Variants in KCND2 observed in about 807,000 individuals in gnomAD.
KCND2 encodes potassium voltage-gated channel subfamily D member 2.
In KCND2, 16 loss-of-function variants were observed where a neutral mutation model predicts 54.4. The observed-to-expected ratio is 0.29, with a 90% CI of 0.20 to 0.45. The LOEUF (loss-of-function observed/expected upper bound fraction) is 0.45, where lower values mean the gene tolerates loss of function less well. Among genes scored for constraint, KCND2 ranks in the 20% least tolerant of loss-of-function variants. The probability of loss-of-function intolerance (pLI) is 1.00; values close to 1 mark genes in which losing one functional copy is unlikely to be tolerated. For missense variants in KCND2, 486 were observed against 824.2 expected, an observed-to-expected ratio of 0.59 and a Z score of 5.02; for synonymous variants, 317 against 310.7, an observed-to-expected ratio of 1.02 and a Z score of -0.21.
rs543373813 is a variant in KCND2, at chr7:120,677,872, A to C, written c.1116-55031A>C. On this transcript the variant is annotated intron_variant, in intron 1 of 5. Transcript: ENST00000331113. Reference sequence around the variant, plus strand: ...TAATGTAGGCTTATGTTTTAAAAGGAGATTCAAGCTTATTTCTAGGTCAGT... The same window carrying C: ...TAATGTAGGCTTATGTTTTAAAAGGCGATTCAAGCTTATTTCTAGGTCAGT... Among the ~76,000 whole-genome samples the C allele has an allele frequency of 5.3e-5, 8 of 152,216 alleles. No homozygotes were observed. The South Asian group carries it at 1.7e-3, about 32-fold the overall frequency.
chr7:120,715,260 G>T (rs539440550), intron 1 of KCND2, among the ~76,000 whole-genome samples: 4 of 149,364 alleles, frequency 2.7e-5, no homozygotes. Flanking sequence ...GATTAATTCC[G>T]AAAAAAAAAT....
chr7:120,469,343 T>A (rs1449159750), intron 1 of KCND2, among the ~76,000 whole-genome samples: 1 of 152,170 alleles, frequency 6.6e-6, no homozygotes, highest in Non-Finnish European at 1.5e-5. Flanking sequence ...AGTGGCATAT[T>A]TAAATTCTGC....
At chr7:120,634,483 C>T (rs1793279454) in intron 1 of KCND2, among the ~76,000 whole-genome samples, 1 of 152,078 alleles carries the variant, frequency 6.6e-6, no homozygotes, top group Non-Finnish European at 1.5e-5. Context: ...TACCGCCATA[C>T]ACTCGATACT....
At chr7:120,458,864 CATT>C (rs1051695650) in intron 1 of KCND2, among the ~76,000 whole-genome samples, 8 of 149,910 alleles carry the variant, frequency 5.3e-5, no homozygotes, top group Admixed American at 6.7e-5. Context: ...ATATTATTAG[CATT>C]ATTATTATTA....
At chr7:120,400,512 T>C (rs926499293) in intron 1 of KCND2, among the ~76,000 whole-genome samples, 1 of 152,172 alleles carries the variant, frequency 6.6e-6, no homozygotes, top group African/African-American at 2.4e-5. Context: ...AAACTGTCTT[T>C]ATACTCCCAT....
intron 1 of KCND2, among the ~76,000 whole-genome samples, chr7:120,313,871 G>A (rs959045948): frequency 6.6e-6 from 1 of 150,634 alleles, no homozygotes. Flanking sequence ...CCAGGAAGTT[G>A]AATAATAAGT....
intron 1 of KCND2, among the ~76,000 whole-genome samples, chr7:120,730,234 C>T (rs540958907): frequency 5.1e-4 from 78 of 151,758 alleles, no homozygotes; most frequent in African/African-American, 1.4e-3. Context: ...TGTGTGTGTG[C>T]GCGCGTGCGT....
intron 1 of KCND2, among the ~76,000 whole-genome samples, chr7:120,289,087 GA>G (rs1799395731): frequency 1.3e-5 from 2 of 150,082 alleles, no homozygotes; most frequent in African/African-American, 4.9e-5. Context: ...CAGAGAGAGA[GA>G]GAGAGACTAG....
chr7:120,343,019 T>C (rs1175241279), intron 1 of KCND2, among the ~76,000 whole-genome samples: 1 of 152,144 alleles, frequency 6.6e-6, no homozygotes, highest in Non-Finnish European at 1.5e-5. Context: ...AGCTCTGCCA[T>C]CCACTAGAAT....
chr7:120,734,551 T>G (rs1792847626), intron 2 of KCND2, among the ~76,000 whole-genome samples: 1 of 152,108 alleles, frequency 6.6e-6, no homozygotes, highest in Admixed American at 6.6e-5. Context: ...AAAGTGCCTC[T>G]CAGAAAAGCT....
At chr7:120,718,817 G>A (rs4730979) in intron 1 of KCND2, among the ~76,000 whole-genome samples, 57,355 of 152,048 alleles carry the variant, frequency 0.38, 11,774 homozygotes, top group African/African-American at 0.53. Flanking sequence ...ATAATTAACA[G>A]TTGTTTTCAG....
At position 120,677,520 on chromosome 7, in the gene KCND2, T is replaced by C. The variant is rs1792077929; in HGVS notation, c.1116-55383T>C. ...ACCATTGGTGGTAAGAATTCAAATA[T>C]ATATATATAGATATAGATATAGATA... is the stretch of plus-strand genomic sequence containing the variant. On this transcript the variant is annotated intron_variant, in intron 1 of 5. Transcript: ENST00000331113. Among the ~76,000 whole-genome samples, 4 of 140,980 alleles carry C rather than the reference T, an allele frequency of 2.8e-5. 1 individual carries two copies. In the South Asian group the frequency reaches 8.8e-4, roughly 31 times the overall value. 92.5% of individuals were successfully genotyped at this position (140,980 alleles called of 152,430 possible).
intron 1 of KCND2, among the ~76,000 whole-genome samples, chr7:120,284,317 A>C (rs939171935): frequency 1.3e-5 from 2 of 151,822 alleles, no homozygotes; most frequent in Non-Finnish European, 2.9e-5. Flanking sequence ...ACGCGCGCAC[A>C]CTCCAACCAT....
At chr7:120,394,651 C>G (rs572425686) in intron 1 of KCND2, among the ~76,000 whole-genome samples, 2 of 151,954 alleles carry the variant, frequency 1.3e-5, no homozygotes, top group Non-Finnish European at 2.9e-5. Context: ...ATCATTGTGT[C>G]TTCAGAGCTA....
chr7:120,274,706 G>A lies in KCND2; in HGVS notation c.74G>A (p.Gly25Glu). ...AAIGWMPVASGPMPAPPRQER... is the reference protein window; with the variant it reads ...AAIGWMPVASEPMPAPPRQER... ...ATCGGGTGGATGCCTGTGGCCTCGG[G>A]GCCTATGCCGGCTCCCCCGAGGCAG... Residue 25 changes from glycine (G) to glutamate (E), a missense_variant, in exon 1 of 6, where the codon GGG (glycine) becomes GAG (glutamate). Physicochemically the swap from Gly to Glu is moderately conservative, Grantham distance 98. This residue lies in a region of KCND2 where 231 missense variants were observed against 386.0 expected (regional missense o/e 0.60). Coordinates refer to ENST00000331113, the MANE Select transcript of KCND2 (RefSeq NM_012281.3). 6.2e-7 allele frequency: 1 copy of A among 1,613,804 alleles called. No individual in the cohort carries two copies. Among genetic ancestry groups the A allele is most frequent in the Non-Finnish European group, 8.5e-7 (1 of 1,179,966 alleles).
chr7:120,400,121 CGG>C (rs1801226878), intron 1 of KCND2, among the ~76,000 whole-genome samples: 1 of 152,090 alleles, frequency 6.6e-6, no homozygotes, highest in Non-Finnish European at 1.5e-5. Flanking sequence ...TAATGCCTTA[CGG>C]AACAGCAGCA....
chr7:120,366,114 T>C (rs374173709), intron 1 of KCND2, among the ~76,000 whole-genome samples: 2 of 152,024 alleles, frequency 1.3e-5, no homozygotes, highest in East Asian at 1.9e-4. Context: ...AGCTTTATCT[T>C]GATAGAAGAG....
At chr7:120,722,660 A>T (rs535128404) in intron 1 of KCND2, among the ~76,000 whole-genome samples, 9 of 152,348 alleles carry the variant, frequency 5.9e-5, no homozygotes, top group Admixed American at 4.6e-4. Flanking sequence ...CAAAAATAAA[A>T]TAGGTAAATA....
At chr7:120,712,442 G>T (rs1792553488) in intron 1 of KCND2, among the ~76,000 whole-genome samples, 1 of 149,386 alleles carries the variant, frequency 6.7e-6, no homozygotes, top group Non-Finnish European at 1.5e-5. Flanking sequence ...TTTTTCTCCA[G>T]TAGAGGCAGG....
Sources: gnomAD v4.1 joint callset for allele counts (sites outside exome capture counted in the v4.1 genomes callset) on GRCh38, gnomAD v4.1.1 for gene constraint, gnomAD v4.1.1 regional missense constraint, MANE v1.5 for transcripts, NCBI Gene and HGNC (gene_info 2026-07-23, HGNC 2026-07-21) for gene names.